CDH4: variants seen among roughly 807,000 people sequenced by gnomAD.
CDH4 encodes the protein cadherin-4.
CDH4 carries 33 observed loss-of-function variants against 86.0 expected under a neutral mutation model. That is an observed-to-expected ratio of 0.38 (90% CI 0.29 to 0.51). CDH4 has a LOEUF of 0.51. Among genes scored for constraint, CDH4 ranks in the 20% least tolerant of loss-of-function variants. The pLI is 0.86. For missense variants in CDH4, 1,114 were observed against 1,307.4 expected, an observed-to-expected ratio of 0.85 and a Z score of 2.28; for synonymous variants, 555 against 549.4, an observed-to-expected ratio of 1.01 and a Z score of -0.14.
At chr20:61,525,402 T>A (rs972801831) in intron 2 of CDH4, among the ~76,000 whole-genome samples, 11 of 152,098 alleles carry the variant, frequency 7.2e-5, no homozygotes, top group Non-Finnish European at 1.2e-4. Flanking sequence ...CCCAACAGGC[T>A]GGGGAAGCGG....
At chr20:61,781,856 A>G (rs922571572) in intron 4 of CDH4, among the ~76,000 whole-genome samples, 1 of 152,240 alleles carries the variant, frequency 6.6e-6, no homozygotes, top group African/African-American at 2.4e-5. Flanking sequence ...AAACATCTCT[A>G]AAGTAGAGGA....
rs1555809220 is a variant in CDH4 at position 61,565,358 on chromosome 20, G to GGGTGATGGTGGTGGCGGTGCTCTT, written c.170-178191_170-178190insCGGTGCTCTTGGTGATGGTGGTGG. ...GGTGGTAGTGGTCCTCTTGGTGATG[G>GGGTGATGGTGGTGGCGGTGCTCTT]GGTGATGGTGGTGGTGGTCCTCTTG... On this transcript the variant is annotated intron_variant, in intron 2 of 15. Coordinates refer to ENST00000614565, the MANE Select transcript of CDH4 (RefSeq NM_001794.5). Among the ~76,000 whole-genome samples the GGGTGATGGTGGTGGCGGTGCTCTT allele has an allele frequency of 2.0e-3, 67 of 33,332 alleles. 8 individuals carry two copies. Among genetic ancestry groups the GGGTGATGGTGGTGGCGGTGCTCTT allele is most frequent in the African/African-American group, 3.2e-3 (23 of 7,112 alleles). 21.9% of individuals were successfully genotyped at this position (33,332 alleles called of 152,430 possible). A position where few individuals can be genotyped will look rare whatever the true frequency, so the allele number is the denominator to read the frequency against.
At position 61,518,325 on chromosome 20, in the gene CDH4, T is replaced by A. The variant is rs1163780716; in HGVS notation, c.170-225238T>A. 6.6e-6 allele frequency among the ~76,000 whole-genome samples: 1 copy of A among 152,152 alleles called. No homozygotes were observed. The highest frequency in any genetic ancestry group is 2.4e-5 in the African/African-American group (1 of 41,424). On this transcript the variant is annotated intron_variant, in intron 2 of 15. Transcript: ENST00000614565. The surrounding 1 kb of genome is among the most constrained non-coding windows in gnomAD (Gnocchi z 6.3). ...CAGAGATGGGCTCTTAACCACCTCT[T>A]CCCTATGCTAAGTCTGTTCCACCTA...
chr20:61,387,907 T>C (rs1363804958), intron 2 of CDH4, among the ~76,000 whole-genome samples: 2 of 150,700 alleles, frequency 1.3e-5, no homozygotes, highest in African/African-American at 4.9e-5. Context: ...CCACTGTCTC[T>C]GTTCCCTGCT....
Position 61,392,761 on chromosome 20 carries a change from C to T in CDH4, c.169+137824C>T, listed in dbSNP as rs561913906. 2.6e-5 allele frequency among the ~76,000 whole-genome samples: 4 copies of T among 152,268 alleles called. No individual in the cohort carries two copies. The highest frequency in any genetic ancestry group is 1.9e-4 in the East Asian group (1 of 5,172). On this transcript the variant is annotated intron_variant, in intron 2 of 15. Transcript: ENST00000614565. This position sits in a 1 kb window ranked among gnomAD's most constrained non-coding sequence, Gnocchi z 5.7. ...TTTCTCACAGTATTCATCAGAAACT[C>T]GGTATTGCACATTTATTTCCTAGCG...
intron 2 of CDH4, among the ~76,000 whole-genome samples, chr20:61,533,834 T>C (rs1258776678): frequency 6.6e-6 from 1 of 152,214 alleles, no homozygotes; most frequent in Non-Finnish European, 1.5e-5. Flanking sequence ...GCCAGGCAAA[T>C]GTGTTTAAAA....
intron 4 of CDH4, among the ~76,000 whole-genome samples, chr20:61,788,353 G>C (rs544994019): frequency 2.0e-5 from 3 of 152,308 alleles, no homozygotes; most frequent in Admixed American, 2.0e-4. Flanking sequence ...AGGGCTGGGG[G>C]TGCAGACAGG....
chr20:61,489,005 C>T lies in CDH4; in HGVS notation c.169+234068C>T, dbSNP rs193116846. On this transcript the variant is annotated intron_variant, in intron 2 of 15. Transcript: ENST00000614565. ...AAATAATATATTCCATTACTTTACA[C>T]TTCAATGCGTTACTGTGCAATGCAC... is the stretch of plus-strand genomic sequence containing the variant. Among the ~76,000 whole-genome samples, 25 of 152,290 alleles carry T rather than the reference C, an allele frequency of 1.6e-4. No homozygotes were observed. In the East Asian group the frequency reaches 1.9e-3, roughly 12 times the overall value.
intron 2 of CDH4, among the ~76,000 whole-genome samples, chr20:61,545,161 G>A (rs917533120): frequency 2.4e-4 from 36 of 152,208 alleles, no homozygotes; most frequent in South Asian, 4.1e-4. Flanking sequence ...GCTCTGCCAC[G>A]CAGCATCGGG....
chr20:61,300,232 C>T (rs6028095), intron 2 of CDH4, among the ~76,000 whole-genome samples: 20,063 of 151,850 alleles, frequency 0.13, 1,455 homozygotes, highest in African/African-American at 0.18. Flanking sequence ...GCCAGGGATG[C>T]GTGGGTCTGA....
At chr20:61,840,399 AT>A (rs1982106304) in intron 4 of CDH4, among the ~76,000 whole-genome samples, 1 of 152,192 alleles carries the variant, frequency 6.6e-6, no homozygotes, top group African/African-American at 2.4e-5. Flanking sequence ...TTTCAAGTTC[AT>A]TTGAAACCTG....
chr20:61,595,451 G>A (rs1568703023), intron 2 of CDH4, among the ~76,000 whole-genome samples: 1 of 152,228 alleles, frequency 6.6e-6, no homozygotes, highest in Non-Finnish European at 1.5e-5. Flanking sequence ...CCCACCAAAC[G>A]CTGTCCGAGA....
chr20:61,731,103 C>A (rs1458814100), intron 2 of CDH4, among the ~76,000 whole-genome samples: 1 of 152,020 alleles, frequency 6.6e-6, no homozygotes, highest in Non-Finnish European at 1.5e-5. Context: ...GGGAGATGTC[C>A]TGGGGCCCAT....
intron 2 of CDH4, among the ~76,000 whole-genome samples, chr20:61,391,631 C>T (rs1033127448): frequency 6.6e-6 from 1 of 152,212 alleles, no homozygotes; most frequent in African/African-American, 2.4e-5. Context: ...TGCAGCATGT[C>T]TGTGCTTGGT....
Position 61,747,445 on chromosome 20 carries a change from C to CAA in CDH4, c.396+3674_396+3675dup, listed in dbSNP as rs11302958. Among the ~76,000 whole-genome samples the CAA allele has an allele frequency of 4.2e-3, 314 of 75,344 alleles. 4 individuals carry two copies. The highest frequency in any genetic ancestry group is 0.01 in the African/African-American group (230 of 22,052). 49.4% of individuals were successfully genotyped at this position (75,344 alleles called of 152,430 possible). Reference sequence around the variant, plus strand: ...TAGGCAACAGAGTGAGACTCTGTCTCAAAAAAAAAAAAAAAAAAAGACCCA... The same window carrying CAA: ...TAGGCAACAGAGTGAGACTCTGTCTCAAAAAAAAAAAAAAAAAAAAAGACCCA... On this transcript the variant is annotated intron_variant, in intron 3 of 15. Transcript: ENST00000614565.
intron 2 of CDH4, among the ~76,000 whole-genome samples, chr20:61,470,068 T>G (rs1268110452): frequency 6.6e-6 from 1 of 152,180 alleles, no homozygotes; most frequent in Non-Finnish European, 1.5e-5. Flanking sequence ...TATATACATT[T>G]TAGGATTATT....
rs113871313 is a variant in CDH4, at chr20:61,503,351, A to G, written c.170-240212A>G. On this transcript the variant is annotated intron_variant, in intron 2 of 15. Coordinates refer to ENST00000614565, the MANE Select transcript of CDH4 (RefSeq NM_001794.5). ...GCTCCACATTGCAAATATGAAGGATATGCTTTCAAAAAAGGACAAGGGAAA... is the reference window on the plus strand; with the variant it reads ...GCTCCACATTGCAAATATGAAGGATGTGCTTTCAAAAAAGGACAAGGGAAA... Among the ~76,000 whole-genome samples, 20 of 152,374 alleles carry G rather than the reference A, an allele frequency of 1.3e-4. 1 individual carries two copies. Among genetic ancestry groups the G allele is most frequent in the Admixed American group, 1.2e-3 (18 of 15,308 alleles).
At chr20:61,550,693 C>CGGA (rs1335181254) in intron 2 of CDH4, among the ~76,000 whole-genome samples, 1 of 152,234 alleles carries the variant, frequency 6.6e-6, no homozygotes, top group East Asian at 1.9e-4. Flanking sequence ...CAACCTGCAC[C>CGGA]GGAGCCCTCC....
chr20:61,555,337 G>A (rs2086169603), intron 2 of CDH4, among the ~76,000 whole-genome samples: 1 of 152,200 alleles, frequency 6.6e-6, no homozygotes, highest in Non-Finnish European at 1.5e-5. Flanking sequence ...AGTGGGGCCT[G>A]CTGGCATCAG....
Sources: allele counts gnomAD v4.1 joint callset (sites outside exome capture counted in the v4.1 genomes callset), GRCh38; gene constraint gnomAD v4.1.1; non-coding constraint Gnocchi (gnomAD v3.1); transcripts MANE v1.5; gene names NCBI Gene and HGNC (gene_info 2026-07-23, HGNC 2026-07-21).